Variants in ZNF589 observed in about 807,000 individuals in gnomAD.
ZNF589 encodes the protein zinc finger protein 589.
In ZNF589, 17 loss-of-function variants were observed where a neutral mutation model predicts 13.6. The observed-to-expected ratio is 1.25, with a 90% confidence interval of 0.86 to 1.88. The LOEUF (loss-of-function observed/expected upper bound fraction) is 1.88, where lower values mean the gene tolerates loss of function less well. ZNF589 is among the 40% of genes most tolerant of loss of function. The pLI, the probability that ZNF589 is intolerant of heterozygous loss-of-function variation, is 0.00. For synonymous variants in ZNF589, 148 were observed against 161.6 expected, an observed-to-expected ratio of 0.92 and a Z score of 0.64; for missense variants, 407 against 434.0, an observed-to-expected ratio of 0.94 and a Z score of 0.55.
At position 48,265,268 on chromosome 3, in the gene ZNF589, G is replaced by A. The variant is rs368267340; in HGVS notation, c.224-2647G>A. 2.6e-3 allele frequency among the ~76,000 whole-genome samples: 344 copies of A among 133,464 alleles called. 2 individuals carry two copies. Among genetic ancestry groups the A allele is most frequent in the African/African-American group, 9.0e-3 (321 of 35,610 alleles). The allele number at this position is 133,464 out of a possible 152,430, so 87.6% of individuals were successfully genotyped here. A position where few individuals can be genotyped will look rare whatever the true frequency, so the allele number is the denominator to read the frequency against. ...ATTACAGGCATGAGCCACTGTGCCCGGCCTTTTTTTTTTTTTTTTTTTTTT... is the reference window on the plus strand; with the variant it reads ...ATTACAGGCATGAGCCACTGTGCCCAGCCTTTTTTTTTTTTTTTTTTTTTT... On this transcript the variant is annotated intron_variant, in intron 3 of 3. Coordinates refer to ENST00000354698, the MANE Select transcript of ZNF589 (RefSeq NM_016089.3).
intron 2 of ZNF589, among the ~76,000 whole-genome samples, chr3:48,253,073 C>T (rs2033857163): frequency 6.6e-6 from 1 of 151,282 alleles, no homozygotes; most frequent in Non-Finnish European, 1.5e-5. Context: ...CCCTCTGTTT[C>T]CCAGGCTGGA....
At chr3:48,255,179 C>CTT (rs375899065) in intron 2 of ZNF589, among the ~76,000 whole-genome samples, 2 of 136,280 alleles carry the variant, frequency 1.5e-5, no homozygotes, top group Non-Finnish European at 3.2e-5. Flanking sequence ...GCTATTACTT[C>CTT]TTTTTTTTTT....
chr3:48,269,241 G>A lies in ZNF589; in HGVS notation c.*455G>A. ...TTTATCACGAAATCACAGCTCATCA[G>A]ACACCAGAGGACACACACAGGAGAA... On this transcript the variant is annotated 3_prime_UTR_variant, in exon 4 of 4. Coordinates refer to ENST00000354698, the MANE Select transcript of ZNF589 (RefSeq NM_016089.3). The A allele has an allele frequency of 6.8e-7, 1 of 1,471,266 alleles. No individual in the cohort carries two copies. The highest frequency in any genetic ancestry group is 9.2e-7 in the Non-Finnish European group (1 of 1,086,294). 91.1% of individuals were successfully genotyped at this position (1,471,266 alleles called of 1,614,324 possible).
Position 48,269,956 on chromosome 3 carries a change from T to G in ZNF589, c.*1170T>G. On this transcript the variant is annotated 3_prime_UTR_variant, in exon 4 of 4. Transcript: ENST00000354698. The stretch of plus-strand genomic sequence containing the variant: ...CCCACCCCACTCTTGTTCTAAGAGC[T>G]TTGGGGACAGTCTTTTGACCCCTTA... The G allele has an allele frequency of 2.2e-6, 1 of 445,756 alleles. No homozygotes were observed. The highest frequency in any genetic ancestry group is 1.6e-5 in the South Asian group (1 of 62,860). 27.6% of individuals were successfully genotyped at this position (445,756 alleles called of 1,614,324 possible). A position where few individuals can be genotyped will look rare whatever the true frequency, so the allele number is the denominator to read the frequency against.
At chr3:48,243,488 C>T (rs2033719950) in intron 1 of ZNF589, among the ~76,000 whole-genome samples, 1 of 151,902 alleles carries the variant, frequency 6.6e-6, no homozygotes, top group Non-Finnish European at 1.5e-5. Context: ...GTGCCAAGAC[C>T]AGTTCAATTG....
intron 1 of ZNF589, among the ~76,000 whole-genome samples, chr3:48,242,985 A>G (rs971360645): frequency 6.6e-6 from 1 of 151,936 alleles, no homozygotes; most frequent in African/African-American, 2.4e-5. Context: ...AGGCGCAAGA[A>G]TTGCTTGAAC....
Position 48,260,836 on chromosome 3 carries a change from G to A in ZNF589, c.120G>A (p.Val40=). 6.2e-7 allele frequency: 1 copy of A among 1,614,188 alleles called. No individual in the cohort carries two copies. The highest frequency in any genetic ancestry group is 1.1e-5 in the South Asian group (1 of 91,088). ...AGGGACCAGTGACTTTCGAGGATGT[G>A]GCTGTGCTTTTCACTGAGGCAGAGT... ...RYLGPVTFED[V]AVLFTEAEWK... Residue 40 remains valine (V), a synonymous_variant, in exon 3 of 4, where the codon GTG becomes GTA. Transcript: ENST00000354698.
Position 48,241,232 on chromosome 3 carries a change from G to A in ZNF589, c.43+18G>A. ...TGCGGAAGGTGAGTCGGGGCCGCGA[G>A]ATCGCCTCCCCCATTCGGTGCTCCA... On this transcript the variant is annotated intron_variant, in intron 1 of 3. Coordinates refer to ENST00000354698, the MANE Select transcript of ZNF589 (RefSeq NM_016089.3). The A allele has an allele frequency of 1.2e-6, 2 of 1,610,014 alleles. No individual in the cohort carries two copies.
intron 1 of ZNF589, 86 bp downstream of exon 1, chr3:48,241,300 G>A (rs761984996): frequency 2.2e-5 from 33 of 1,532,978 alleles, no homozygotes; most frequent in Non-Finnish European, 2.6e-5. Context: ...CACCAGGGAT[G>A]CGCGTGGGGT....
chr3:48,264,542 A>T (rs370516344), intron 3 of ZNF589, among the ~76,000 whole-genome samples: 1 of 147,226 alleles, frequency 6.8e-6, no homozygotes, highest in African/African-American at 2.5e-5. Flanking sequence ...AAAAAAAAAT[A>T]AAAAGGCCGG....
intron 1 of ZNF589, among the ~76,000 whole-genome samples, chr3:48,242,923 A>G (rs1358630142): frequency 2.0e-5 from 3 of 151,700 alleles, no homozygotes; most frequent in Non-Finnish European, 4.4e-5. Context: ...AATAAAATAA[A>G]ATAAGCTGGG....
chr3:48,245,498 G>A (rs575622776), intron 1 of ZNF589, among the ~76,000 whole-genome samples: 2 of 152,204 alleles, frequency 1.3e-5, no homozygotes, highest in African/African-American at 2.4e-5. Flanking sequence ...TAAGACCCTC[G>A]TCCCCCTGAG....
At chr3:48,250,462 T>A (rs2106835017) in intron 2 of ZNF589, among the ~76,000 whole-genome samples, 1 of 151,834 alleles carries the variant, frequency 6.6e-6, no homozygotes, top group South Asian at 2.1e-4. Flanking sequence ...TACTCTCTGC[T>A]TCTTTGAGAA....
In ZNF589 at chr3:48,269,805, G is replaced by A. The variant is rs1038450439; in HGVS notation, c.*1019G>A. The A allele has an allele frequency of 3.3e-5, 12 of 358,668 alleles. No homozygotes were observed. The highest frequency in any genetic ancestry group is 3.3e-5 in the Non-Finnish European group (6 of 182,788). 22.2% of individuals were successfully genotyped at this position (358,668 alleles called of 1,614,324 possible). On this transcript the variant is annotated 3_prime_UTR_variant, in exon 4 of 4. Coordinates refer to ENST00000354698, the MANE Select transcript of ZNF589 (RefSeq NM_016089.3). ...TAAGGTAATGTGGACAGAGCTGTAC[G>A]TGGACATCATTACTTGTCACGTGTC...
At chr3:48,264,128 A>G (rs1358156052) in intron 3 of ZNF589, among the ~76,000 whole-genome samples, 1 of 152,234 alleles carries the variant, frequency 6.6e-6, no homozygotes, top group Non-Finnish European at 1.5e-5. Flanking sequence ...GTTGAGTCAA[A>G]GAAGCAGTAG....
intron 1 of ZNF589, among the ~76,000 whole-genome samples, chr3:48,243,435 T>A (rs1323397990): frequency 6.6e-6 from 1 of 152,168 alleles, no homozygotes; most frequent in Non-Finnish European, 1.5e-5. Flanking sequence ...TGTGCCTCCT[T>A]CCATCCACTC....
intron 1 of ZNF589, among the ~76,000 whole-genome samples, chr3:48,242,386 A>C (rs1353317937): frequency 6.6e-6 from 1 of 151,986 alleles, no homozygotes; most frequent in East Asian, 1.9e-4. Context: ...TGTTGGGATT[A>C]CAGGTGGGAG....
In ZNF589 at chr3:48,269,125, G is replaced by T; in HGVS notation, c.*339G>T. On this transcript the variant is annotated 3_prime_UTR_variant, in exon 4 of 4. Transcript: ENST00000354698. ...AGCCTTACACGTGCTTTGAGTGTGG[G>T]CGAAACTTTAGCCTCAAGTCCGCTC... 4.2e-6 allele frequency: 3 copies of T among 722,432 alleles called. No individual in the cohort carries two copies. The South Asian group carries it at 5.1e-5, about 12-fold the overall frequency. 44.8% of individuals were successfully genotyped at this position (722,432 alleles called of 1,614,324 possible). A position where few individuals can be genotyped will look rare whatever the true frequency, so the allele number is the denominator to read the frequency against.
Position 48,269,192 on chromosome 3 carries a change from G to T in ZNF589, c.*406G>T, listed in dbSNP as rs978904720. 2 of 1,162,604 alleles carry T rather than the reference G, an allele frequency of 1.7e-6. No homozygotes were observed. Among genetic ancestry groups the T allele is most frequent in the Non-Finnish European group, 2.5e-6 (2 of 800,482 alleles). 72.0% of individuals were successfully genotyped at this position (1,162,604 alleles called of 1,614,324 possible). On this transcript the variant is annotated 3_prime_UTR_variant, in exon 4 of 4. Transcript: ENST00000354698. Reference sequence around the variant, plus strand: ...GATACACTCTGGGGAGAAGCCTTATGCATGCACGGAGTGTGGGCAAGGCTT... The same window carrying T: ...GATACACTCTGGGGAGAAGCCTTATTCATGCACGGAGTGTGGGCAAGGCTT...
Sources: allele counts gnomAD v4.1 joint callset (sites outside exome capture counted in the v4.1 genomes callset), GRCh38; gene constraint gnomAD v4.1.1; transcripts MANE v1.5; gene names NCBI Gene and HGNC (gene_info 2026-07-23, HGNC 2026-07-21).